The following STMND1 variants were observed in gnomAD, a reference collection of about 807,000 sequenced individuals.
The protein encoded by STMND1 is stathmin domain containing 1.
STMND1 carries 17 observed loss-of-function variants against 23.0 expected under a neutral mutation model. The ratio of observed to expected loss-of-function variants is 0.74; its 90% CI spans 0.51 to 1.11. The LOEUF is 1.11. Ranked by LOEUF, STMND1 falls within the 50% of genes least tolerant of loss-of-function variation. The probability of loss-of-function intolerance (pLI) is 0.00; values close to 1 mark genes in which losing one functional copy is unlikely to be tolerated. For missense variants in STMND1, 305 were observed against 329.1 expected, an observed-to-expected ratio of 0.93 and a Z score of 0.57; for synonymous variants, 114 against 119.9, an observed-to-expected ratio of 0.95 and a Z score of 0.32.
chr6:17,111,258 T>C (rs1368826376), intron 1 of STMND1, among the ~76,000 whole-genome samples: 1 of 152,100 alleles, frequency 6.6e-6, no homozygotes, highest in Non-Finnish European at 1.5e-5. Context: ...CAGACTCCCT[T>C]GAAAGGAGAA....
intron 3 of STMND1, chr6:17,128,198 G>A (rs1761334857): frequency 6.6e-6 from 1 of 152,132 alleles, no homozygotes; most frequent in African/African-American, 2.4e-5. Flanking sequence ...TTTGGAACTA[G>A]AAATTATAAT....
chr6:17,129,332 G>A, intron 4 of STMND1, 89 bp downstream of exon 4: 2 of 1,272,336 alleles, frequency 1.6e-6, no homozygotes, highest in South Asian at 2.9e-5. Context: ...GCAGTTTTAA[G>A]ACAAACTGCA....
chr6:17,127,465 G>T (rs182929730), intron 3 of STMND1, among the ~76,000 whole-genome samples: 50 of 152,280 alleles, frequency 3.3e-4, no homozygotes, highest in Middle Eastern at 3.4e-3. Context: ...CAGGTGAATC[G>T]CTTGAACCCG....
At chr6:17,125,996 A>C (rs1251839865) in intron 3 of STMND1, among the ~76,000 whole-genome samples, 1 of 132,342 alleles carries the variant, frequency 7.6e-6, no homozygotes, top group East Asian at 2.2e-4. Context: ...TGTTGTTTCC[A>C]CTGGTAACAC....
intron 3 of STMND1, among the ~76,000 whole-genome samples, chr6:17,126,060 ATATATATATATTTTTTTTTTTTT>A (rs1314071362): frequency 3.0e-3 from 71 of 23,890 alleles, no homozygotes; most frequent in African/African-American, 0.011. Context: ...ATATATATAT[ATATATATATATTTTTTTTTTTTT>A]TTTTTTTTTT....
intron 3 of STMND1, among the ~76,000 whole-genome samples, chr6:17,126,668 A>G (rs1420167471): frequency 2.0e-5 from 3 of 152,202 alleles, no homozygotes; most frequent in East Asian, 3.8e-4. Context: ...CCAGCAGGAA[A>G]CTTAGGAGCC....
At chr6:17,106,525 A>G (rs1486688513) in intron 1 of STMND1, among the ~76,000 whole-genome samples, 1 of 152,216 alleles carries the variant, frequency 6.6e-6, no homozygotes, top group Non-Finnish European at 1.5e-5. Context: ...AGGAAATTCA[A>G]TTTTAAAATA....
chr6:17,111,668 A>T (rs192696566), intron 1 of STMND1, among the ~76,000 whole-genome samples: 1 of 152,286 alleles, frequency 6.6e-6, no homozygotes, highest in African/African-American at 2.4e-5. Context: ...TTAGTATGTA[A>T]TTCTTTTTAT....
Position 17,102,243 on chromosome 6 carries a change from G to T in STMND1, c.-15G>T. 2 of 1,498,208 alleles carry T rather than the reference G, an allele frequency of 1.3e-6. No homozygotes were observed. The highest frequency in any genetic ancestry group is 1.8e-6 in the Non-Finnish European group (2 of 1,127,606). 92.8% of individuals were successfully genotyped at this position (1,498,208 alleles called of 1,614,324 possible). A position where few individuals can be genotyped will look rare whatever the true frequency, so the allele number is the denominator to read the frequency against. On this transcript the variant is annotated 5_prime_UTR_variant, in exon 1 of 5. Coordinates refer to ENST00000536551, the MANE Select transcript of STMND1 (RefSeq NM_001190766.2). Reference sequence around the variant, plus strand: ...CAGCAGCCAAGCCCGCGGAGGAGGAGCGCGCGCGCGCAGCATGGGCTGTGG... The same window carrying T: ...CAGCAGCCAAGCCCGCGGAGGAGGATCGCGCGCGCGCAGCATGGGCTGTGG...
chr6:17,129,245 T>C lies in STMND1; in HGVS notation c.543+2T>C. 6.5e-7 allele frequency: 1 copy of C among 1,535,834 alleles called. No homozygotes were observed. Among genetic ancestry groups the C allele is most frequent in the Non-Finnish European group, 8.7e-7 (1 of 1,146,762 alleles). On this transcript the variant is annotated splice_donor_variant, in intron 4 of 4. Coordinates refer to ENST00000536551, the MANE Select transcript of STMND1 (RefSeq NM_001190766.2). LOFTEE classifies it high-confidence loss of function. Reference sequence around the variant, plus strand: ...GAGGCTGCCGAGGAGCGCAGGAAGGTAGTGAGCTCTCAGATGCTCTAGGCT... The same window carrying C: ...GAGGCTGCCGAGGAGCGCAGGAAGGCAGTGAGCTCTCAGATGCTCTAGGCT...
At position 17,130,473 on chromosome 6, in the gene STMND1, T is replaced by A. The variant is rs918409549; in HGVS notation, c.544-121T>A. On this transcript the variant is annotated intron_variant, in intron 4 of 4. Coordinates refer to ENST00000536551, the MANE Select transcript of STMND1 (RefSeq NM_001190766.2). ...TCTTCAACAAGAGTTTCTCAACAAA[T>A]GTCTGTTATTTGACTGAATGATGAC... The A allele has an allele frequency of 5.0e-6, 4 of 802,956 alleles. No individual in the cohort carries two copies. In the African/African-American group the frequency reaches 6.9e-5, roughly 14 times the overall value. The allele number at this position is 802,956 out of a possible 1,614,324, so 49.7% of individuals were successfully genotyped here.
intron 2 of STMND1, 103 bp downstream of exon 2, chr6:17,115,242 G>C: frequency 3.5e-6 from 4 of 1,156,432 alleles, no homozygotes; most frequent in Non-Finnish European, 4.7e-6. Flanking sequence ...TTGCTTTCTG[G>C]GCCATGAAGT....
At chr6:17,125,895 A>G (rs1761288295) in intron 3 of STMND1, among the ~76,000 whole-genome samples, 1 of 151,624 alleles carries the variant, frequency 6.6e-6, no homozygotes, top group African/African-American at 2.4e-5. Flanking sequence ...TAATTGCAGC[A>G]TTTTGAACTT....
chr6:17,108,156 T>G (rs1056521562), intron 1 of STMND1, among the ~76,000 whole-genome samples: 2 of 152,218 alleles, frequency 1.3e-5, no homozygotes, highest in Non-Finnish European at 1.5e-5. Flanking sequence ...TGTCTCTAAG[T>G]AAGAACAGAT....
intron 1 of STMND1, among the ~76,000 whole-genome samples, chr6:17,104,345 G>T (rs1033039451): frequency 2.0e-5 from 3 of 151,516 alleles, no homozygotes; most frequent in Non-Finnish European, 4.4e-5. Flanking sequence ...TATTTTGCTG[G>T]CCTGATTACA....
intron 4 of STMND1, 138 bp from the exon 5 acceptor site, chr6:17,130,456 A>T (rs1420655423): frequency 2.6e-5 from 19 of 735,942 alleles, no homozygotes; most frequent in Non-Finnish European, 4.0e-5. Flanking sequence ...CTTCTTCAAC[A>T]AGAGTTTCTC....
chr6:17,105,718 A>G (rs1038935401), intron 1 of STMND1, among the ~76,000 whole-genome samples: 1 of 150,846 alleles, frequency 6.6e-6, no homozygotes, highest in African/African-American at 2.4e-5. Flanking sequence ...CAAGGTCAGG[A>G]GATCGAGACC....
chr6:17,120,850 T>A, intron 3 of STMND1, 92 bp downstream of exon 3: 1 of 1,031,456 alleles, frequency 9.7e-7, no homozygotes, highest in Admixed American at 2.8e-5. Context: ...ATATGCAAGT[T>A]ACAATACAGA....
rs145251705 is a variant in STMND1 at position 17,125,622 on chromosome 6, A to G, written c.412-3490A>G. ...GAACCTCCTGGAGAATTTTTTAAGG[A>G]GGAGGAAGTTGACTGAGTTAGGACT... On this transcript the variant is annotated intron_variant, in intron 3 of 4. Transcript: ENST00000536551. Among the ~76,000 whole-genome samples the G allele has an allele frequency of 1.1e-4, 17 of 152,258 alleles. 1 individual carries two copies. The East Asian group carries it at 2.9e-3, about 26-fold the overall frequency.
Sources: allele counts gnomAD v4.1 joint callset (sites outside exome capture counted in the v4.1 genomes callset), GRCh38; gene constraint gnomAD v4.1.1; transcripts MANE v1.5; gene names NCBI Gene and HGNC (gene_info 2026-07-23, HGNC 2026-07-21).